The following PPP3R1 variants were observed in gnomAD, a reference collection of about 807,000 sequenced individuals.
The protein encoded by PPP3R1 is calcineurin subunit B type 1.
In PPP3R1, 5 loss-of-function variants were observed where a neutral mutation model predicts 22.6. The observed-to-expected ratio is 0.22, with a 90% confidence interval of 0.12 to 0.46. The LOEUF is 0.46. Among genes scored for constraint, PPP3R1 ranks in the 20% least tolerant of loss-of-function variants. The pLI is 0.99. For synonymous variants in PPP3R1, 56 were observed against 65.2 expected (o/e 0.86, Z 0.68); for missense variants, 61 against 203.2 (o/e 0.30, Z 4.25).
At chr2:68,195,281 C>T (rs1450742399) in intron 2 of PPP3R1, among the ~76,000 whole-genome samples, 1 of 152,068 alleles carries the variant, frequency 6.6e-6, no homozygotes, top group East Asian at 1.9e-4. Context: ...TAAAACTTCC[C>T]TCAGTTTGAG....
At chr2:68,208,395 C>A (rs1669381206) in intron 2 of PPP3R1, among the ~76,000 whole-genome samples, 1 of 152,136 alleles carries the variant, frequency 6.6e-6, no homozygotes. Flanking sequence ...CATACGGTCT[C>A]TGTTGCAATT....
At chr2:68,220,933 T>G (rs558413027) in intron 1 of PPP3R1, among the ~76,000 whole-genome samples, 34 of 152,160 alleles carry the variant, frequency 2.2e-4, no homozygotes, top group Non-Finnish European at 4.0e-4. Context: ...GCTATGGGGT[T>G]TCCTTTTAGG....
rs191641948 is a variant in PPP3R1, at chr2:68,243,667, C to T, written c.3+8458G>A. On this transcript the variant is annotated intron_variant, in intron 1 of 5. Transcript: ENST00000234310. ...AGAACATGGTCATAGTTCAGACCCTCGTTAAAGTAACAACCTCTATCACTA... is the reference window on the plus strand; with the variant it reads ...AGAACATGGTCATAGTTCAGACCCTTGTTAAAGTAACAACCTCTATCACTA... Among the ~76,000 whole-genome samples, 415 of 152,136 alleles carry T rather than the reference C, an allele frequency of 2.7e-3. 2 individuals carry two copies. Among genetic ancestry groups the T allele is most frequent in the Non-Finnish European group, 4.5e-3 (309 of 67,968 alleles).
chr2:68,245,050 C>G (rs80343499), intron 1 of PPP3R1, among the ~76,000 whole-genome samples: 1 of 152,332 alleles, frequency 6.6e-6, no homozygotes, highest in East Asian at 1.9e-4. Context: ...TTACAACTAT[C>G]CAATCAGCTA....
At position 68,244,627 on chromosome 2, in the gene PPP3R1, C is replaced by T. The variant is rs910565369; in HGVS notation, c.3+7498G>A. Among the ~76,000 whole-genome samples, 21 of 152,120 alleles carry T rather than the reference C, an allele frequency of 1.4e-4. 1 individual carries two copies. Among genetic ancestry groups the T allele is most frequent in the African/African-American group, 4.3e-4 (18 of 41,424 alleles). On this transcript the variant is annotated intron_variant, in intron 1 of 5. Coordinates refer to ENST00000234310, the MANE Select transcript of PPP3R1 (RefSeq NM_000945.4). Reference sequence around the variant, plus strand: ...TTTCTAGAGCTCATTCCATTAATCACGCTCTTACAGCTCCCTCTCCTGGCT... The same window carrying T: ...TTTCTAGAGCTCATTCCATTAATCATGCTCTTACAGCTCCCTCTCCTGGCT...
At chr2:68,193,797 TTAGCACCATTAA>T (rs1300409416) in intron 2 of PPP3R1, among the ~76,000 whole-genome samples, 2 of 152,140 alleles carry the variant, frequency 1.3e-5, no homozygotes, top group African/African-American at 4.8e-5. Context: ...ACCCATCTTG[TTAGCACCATTAA>T]ATTTAGTTTC....
At chr2:68,211,512 A>T (rs183751918) in intron 2 of PPP3R1, among the ~76,000 whole-genome samples, 4 of 151,768 alleles carry the variant, frequency 2.6e-5, no homozygotes, top group African/African-American at 7.3e-5. Flanking sequence ...TTCAATGTTG[A>T]TGGCCACGGA....
rs1334381299 is a variant in PPP3R1 at position 68,179,768 on chromosome 2, A to G, written c.*1195T>C. On this transcript the variant is annotated 3_prime_UTR_variant, in exon 6 of 6. Transcript: ENST00000234310. ...AAAAAAAAACCAGTATGCATGCTCT[A>G]TCCCTCGTGGTAAAGAAATTTAAGT... 6.6e-6 allele frequency: 1 copy of G among 152,236 alleles called. No individual in the cohort carries two copies. The highest frequency in any genetic ancestry group is 1.5e-5 in the Non-Finnish European group (1 of 68,042). 9.4% of individuals were successfully genotyped at this position (152,236 alleles called of 1,614,324 possible).
At chr2:68,198,275 A>G (rs1254452502) in intron 2 of PPP3R1, among the ~76,000 whole-genome samples, 6 of 145,858 alleles carry the variant, frequency 4.1e-5, no homozygotes, top group Middle Eastern at 3.6e-3. Context: ...ACATATGTGT[A>G]TGCATGTATG....
intron 1 of PPP3R1, among the ~76,000 whole-genome samples, chr2:68,230,460 C>T (rs1052891565): frequency 7.0e-6 from 1 of 143,830 alleles, no homozygotes; most frequent in Non-Finnish European, 1.5e-5. Flanking sequence ...CATCATTTTA[C>T]CCTCTCCCTG....
At chr2:68,232,212 T>TATATACATATTATATACA (rs371067076) in intron 1 of PPP3R1, among the ~76,000 whole-genome samples, 4 of 93,884 alleles carry the variant, frequency 4.3e-5, no homozygotes, top group African/African-American at 1.2e-4. Flanking sequence ...ATACATATTG[T>TATATACATATTATATACA]ATATGTATAT....
At chr2:68,205,101 G>GA (rs1429127528) in intron 2 of PPP3R1, among the ~76,000 whole-genome samples, 1 of 151,772 alleles carries the variant, frequency 6.6e-6, no homozygotes. Flanking sequence ...CACAAAGTTT[G>GA]AAAAAAGAGT....
intron 2 of PPP3R1, among the ~76,000 whole-genome samples, chr2:68,205,242 C>CTTTTT (rs397984912): frequency 4.9e-5 from 6 of 123,484 alleles, no homozygotes; most frequent in Admixed American, 9.1e-5. Flanking sequence ...TCAGTATTAT[C>CTTTTT]TTTTTTTTTT....
At chr2:68,228,235 C>G (rs1669823339) in intron 1 of PPP3R1, among the ~76,000 whole-genome samples, 1 of 152,092 alleles carries the variant, frequency 6.6e-6, no homozygotes, top group Non-Finnish European at 1.5e-5. Flanking sequence ...ACCCATAAAA[C>G]CACCATAACT....
intron 1 of PPP3R1, among the ~76,000 whole-genome samples, chr2:68,224,179 G>A (rs752485778): frequency 1.3e-5 from 2 of 152,128 alleles, no homozygotes; most frequent in Non-Finnish European, 2.9e-5. Context: ...GCTCAATGTT[G>A]TTAAGATGGC....
intron 1 of PPP3R1, among the ~76,000 whole-genome samples, chr2:68,218,209 C>T (rs1414049951): frequency 1.3e-5 from 2 of 152,046 alleles, no homozygotes; most frequent in African/African-American, 2.4e-5. Flanking sequence ...TTAACATGGG[C>T]ATATTTAAAT....
At chr2:68,233,793 G>A (rs558944890) in intron 1 of PPP3R1, among the ~76,000 whole-genome samples, 1 of 152,130 alleles carries the variant, frequency 6.6e-6, no homozygotes, top group East Asian at 1.9e-4. Context: ...TTTTCAAACT[G>A]AACATAGAAT....
At chr2:68,221,544 TTTG>T (rs1669689356) in intron 1 of PPP3R1, among the ~76,000 whole-genome samples, 1 of 152,172 alleles carries the variant, frequency 6.6e-6, no homozygotes, top group Admixed American at 6.5e-5. Flanking sequence ...TTAAAATGAC[TTTG>T]TTATGTGAAT....
At chr2:68,232,558 TG>T (rs1039896356) in intron 1 of PPP3R1, among the ~76,000 whole-genome samples, 4 of 152,174 alleles carry the variant, frequency 2.6e-5, no homozygotes, top group African/African-American at 7.2e-5. Context: ...CAGTAGACTA[TG>T]GATCTACTCT....
Sources: gnomAD v4.1 joint callset for allele counts (sites outside exome capture counted in the v4.1 genomes callset) on GRCh38, gnomAD v4.1.1 for gene constraint, MANE v1.5 for transcripts, NCBI Gene and HGNC (gene_info 2026-07-23, HGNC 2026-07-21) for gene names.